Variants in SLC25A26 observed in about 807,000 individuals in gnomAD.
SLC25A26 encodes the protein mitochondrial S-adenosylmethionine carrier protein.
Under a neutral mutation model 37.8 loss-of-function variants are expected in SLC25A26, and 36 were observed. The observed-to-expected ratio is 0.95, with a 90% confidence interval of 0.73 to 1.26. The LOEUF is 1.26. Ranked by LOEUF, SLC25A26 falls within the 50% of genes most tolerant of loss-of-function variation. SLC25A26 has a pLI of 0.00. For missense variants in SLC25A26, 390 were observed against 331.1 expected (o/e 1.18, Z -1.38); for synonymous variants, 129 against 122.5 (o/e 1.05, Z -0.35).
intron 9 of SLC25A26, among the ~76,000 whole-genome samples, chr3:66,376,322 G>T (rs1700647710): frequency 6.6e-6 from 1 of 152,124 alleles, no homozygotes; most frequent in African/African-American, 2.4e-5. Context: ...TTTGAAAGAG[G>T]TCCTACTGTG....
At chr3:66,317,487 C>G (rs1479378487) in intron 5 of SLC25A26, among the ~76,000 whole-genome samples, 2 of 152,174 alleles carry the variant, frequency 1.3e-5, no homozygotes, top group Non-Finnish European at 2.9e-5. Flanking sequence ...GCTCCTTTCT[C>G]TGGGAGCTCT....
chr3:66,175,228 T>C lies in SLC25A26; in HGVS notation c.-354+41244T>C, dbSNP rs2070568859. The stretch of plus-strand genomic sequence containing the variant: ...CAGATTTACTATATAAAGGTTTATT[T>C]ATTTATTTACTTTTGAGATGGAGTC... On this transcript the variant is annotated intron_variant, in intron 1 of 10. Coordinates refer to the SLC25A26 transcript ENST00000676754. Among the ~76,000 whole-genome samples, 5 of 151,414 alleles carry C rather than the reference T, an allele frequency of 3.3e-5. 1 individual carries two copies. The South Asian group carries it at 1.0e-3, about 32-fold the overall frequency.
chr3:66,299,842 T>A lies in SLC25A26; in HGVS notation c.453+36463T>A, dbSNP rs568679609. Among the ~76,000 whole-genome samples, 3 of 152,350 alleles carry A rather than the reference T, an allele frequency of 2.0e-5. No homozygotes were observed. In the East Asian group the frequency reaches 5.8e-4, roughly 29 times the overall value. ...AGTTTTTGAAAAAGAAAATATTTAT[T>A]TGCTTCAGTTTTTCAGGGGATGGTA... On this transcript the variant is annotated intron_variant, in intron 5 of 9. Transcript: ENST00000354883.
At chr3:66,216,440 G>A (rs1049810146), upstream of SLC25A26, among the ~76,000 whole-genome samples, 1 of 152,110 alleles carries the variant, frequency 6.6e-6, no homozygotes, top group African/African-American at 2.4e-5. Flanking sequence ...TGAACCCGGA[G>A]GTTGAGGCTG....
At chr3:66,142,625 T>C (rs532186906) in intron 1 of SLC25A26, among the ~76,000 whole-genome samples, 1 of 152,290 alleles carries the variant, frequency 6.6e-6, no homozygotes, top group African/African-American at 2.4e-5. Context: ...ACCCCTTTTG[T>C]CCAATGGTAC....
At chr3:66,352,546 A>G (rs1201409240) in intron 6 of SLC25A26, among the ~76,000 whole-genome samples, 2 of 151,628 alleles carry the variant, frequency 1.3e-5, no homozygotes, top group Non-Finnish European at 2.9e-5. Flanking sequence ...ATGTGTGATA[A>G]TTTTTTTAAT....
chr3:66,309,989 G>T (rs1415070479), intron 5 of SLC25A26, among the ~76,000 whole-genome samples: 1 of 152,152 alleles, frequency 6.6e-6, no homozygotes, highest in Non-Finnish European at 1.5e-5. Flanking sequence ...ATTTGGGGTG[G>T]AGAGTTCTGT....
intron 3 of SLC25A26, among the ~76,000 whole-genome samples, chr3:66,248,602 A>G (rs1390077903): frequency 6.6e-6 from 1 of 152,132 alleles, no homozygotes; most frequent in Non-Finnish European, 1.5e-5. Flanking sequence ...AAATTTCTTC[A>G]CCCTTGAAAG....
At chr3:66,154,522 A>G (rs1576599544) in intron 1 of SLC25A26, among the ~76,000 whole-genome samples, 1 of 143,862 alleles carries the variant, frequency 7.0e-6, no homozygotes, top group Non-Finnish European at 1.5e-5. Flanking sequence ...CCTCTGTCCA[A>G]CCTCGTTTTC....
intron 7 of SLC25A26, among the ~76,000 whole-genome samples, chr3:66,366,659 A>G (rs1479581814): frequency 1.3e-5 from 2 of 152,250 alleles, no homozygotes; most frequent in Non-Finnish European, 2.9e-5. Flanking sequence ...TTTGATTTGC[A>G]GTAACTAAAT....
intron 1 of SLC25A26, among the ~76,000 whole-genome samples, chr3:66,210,075 C>G (rs1296813322): frequency 6.7e-6 from 1 of 149,768 alleles, no homozygotes. Flanking sequence ...TGTTATGGAG[C>G]TAAAGATGCA....
At chr3:66,270,202 C>G (rs1035175143) in intron 5 of SLC25A26, among the ~76,000 whole-genome samples, 2 of 151,962 alleles carry the variant, frequency 1.3e-5, no homozygotes, top group African/African-American at 4.8e-5. Flanking sequence ...TCTTCTTAAA[C>G]CTTGAAAAAG....
intron 1 of SLC25A26, among the ~76,000 whole-genome samples, chr3:66,158,836 G>C (rs2070318663): frequency 6.6e-6 from 1 of 152,144 alleles, no homozygotes. Context: ...GAGAAGAGAG[G>C]AGATATAGTA....
At chr3:66,361,068 A>G (rs927389072) in intron 6 of SLC25A26, among the ~76,000 whole-genome samples, 2 of 152,240 alleles carry the variant, frequency 1.3e-5, no homozygotes, top group East Asian at 1.9e-4. Flanking sequence ...AGAACATAAT[A>G]GAGAGTTCAG....
intron 5 of SLC25A26, among the ~76,000 whole-genome samples, chr3:66,274,598 A>G (rs1002527496): frequency 1.3e-3 from 197 of 152,286 alleles, no homozygotes; most frequent in Middle Eastern, 3.2e-3. Flanking sequence ...AAGGATATGA[A>G]CAGACACTTC....
At chr3:66,218,995 G>C (rs1021548101), upstream of SLC25A26, among the ~76,000 whole-genome samples, 145,497 of 152,322 alleles carry the variant, frequency 0.96, 69,856 homozygotes, top group Non-Finnish European at 1. Flanking sequence ...TGAGGTAATA[G>C]AAGTTTATCG....
At chr3:66,223,918 T>C (rs1401232466) in intron 1 of SLC25A26, among the ~76,000 whole-genome samples, 4 of 152,292 alleles carry the variant, frequency 2.6e-5, no homozygotes, top group African/African-American at 9.6e-5. Flanking sequence ...GATATTTATA[T>C]AAATAACATT....
chr3:66,196,965 T>G (rs1278213901), intron 1 of SLC25A26, among the ~76,000 whole-genome samples: 4 of 152,210 alleles, frequency 2.6e-5, no homozygotes, highest in Non-Finnish European at 4.4e-5. Context: ...TTTTGTTAAT[T>G]CACTGATAAT....
At chr3:66,261,178 G>A (rs1409496919) in intron 3 of SLC25A26, among the ~76,000 whole-genome samples, 1 of 152,182 alleles carries the variant, frequency 6.6e-6, no homozygotes, top group Non-Finnish European at 1.5e-5. Flanking sequence ...CTAAGTTGCA[G>A]AAAAAGTTTG....
Sources: gnomAD v4.1 joint callset for allele counts (sites outside exome capture counted in the v4.1 genomes callset) on GRCh38, gnomAD v4.1.1 for gene constraint, MANE v1.5 for transcripts, NCBI Gene and HGNC (gene_info 2026-07-23, HGNC 2026-07-21) for gene names.